The following ATIC variants were observed in gnomAD, a reference collection of about 807,000 sequenced individuals.
The protein encoded by ATIC is 5-aminoimidazole-4-carboxamide ribonucleotide formyltransferase/IMP cyclohydrolase.
In ATIC, 64 loss-of-function variants were observed where a neutral mutation model predicts 72.5. The ratio of observed to expected loss-of-function variants is 0.88; its 90% CI spans 0.72 to 1.09. The LOEUF (loss-of-function observed/expected upper bound fraction) is 1.09. Among genes scored for constraint, ATIC ranks in the 50% least tolerant of loss-of-function variants. The pLI is 0.00. For synonymous variants in ATIC, 281 were observed against 267.1 expected (o/e 1.05, Z -0.51); for missense variants, 787 against 732.4 (o/e 1.07, Z -0.86).
downstream of ATIC, among the ~76,000 whole-genome samples, chr2:215,351,817 C>G (rs1034993150): frequency 2.0e-5 from 3 of 152,198 alleles, no homozygotes; most frequent in African/African-American, 7.2e-5. Context: ...ATAGTAACTA[C>G]AGTGGAGAAA....
chr2:215,362,180 G>T, the ATIC span: 1 of 801,680 alleles, frequency 1.2e-6, no homozygotes, highest in South Asian at 1.4e-5. Context: ...CATATGCACT[G>T]GCAAAATATA....
At chr2:215,317,015 G>A (rs2052717191) in intron 2 of ATIC, among the ~76,000 whole-genome samples, 1 of 152,070 alleles carries the variant, frequency 6.6e-6, no homozygotes, top group Admixed American at 6.6e-5. Context: ...CATTCGCCTT[G>A]GCCTCCCAAA....
the ATIC span, among the ~76,000 whole-genome samples, chr2:215,357,617 ATCTTT>A: frequency 6.6e-6 from 1 of 152,188 alleles, no homozygotes; most frequent in Non-Finnish European, 1.5e-5. Flanking sequence ...CTTTTATTAC[ATCTTT>A]TCTTCATTTG....
At chr2:215,353,296 CT>C (rs2053144572), downstream of ATIC, among the ~76,000 whole-genome samples, 1 of 152,118 alleles carries the variant, frequency 6.6e-6, no homozygotes, top group African/African-American at 2.4e-5. Context: ...TATTTCCCCC[CT>C]AATAAGCTAA....
At chr2:215,347,486 A>G in intron 14 of ATIC, 1 of 428,508 alleles carries the variant, frequency 2.3e-6, no homozygotes, top group South Asian at 1.8e-5. Flanking sequence ...GTAGCCCGCC[A>G]GAAGAAAAGA....
chr2:215,322,895 A>C (rs986628848), intron 4 of ATIC, among the ~76,000 whole-genome samples: 9 of 152,148 alleles, frequency 5.9e-5, no homozygotes, highest in Admixed American at 3.3e-4. Flanking sequence ...GAAATCAGCA[A>C]GTGTGAGTCC....
chr2:215,347,207 A>T (rs1017658547), intron 14 of ATIC: 1 of 468,528 alleles, frequency 2.1e-6, no homozygotes, highest in Non-Finnish European at 3.9e-6. Flanking sequence ...GTATATTTGT[A>T]CTTCCCCTGT....
downstream of ATIC, among the ~76,000 whole-genome samples, chr2:215,350,430 G>C (rs911270397): frequency 2.0e-5 from 3 of 152,164 alleles, no homozygotes; most frequent in African/African-American, 7.2e-5. Context: ...ACCGTGCCCG[G>C]CCCTCATGCC....
the ATIC span, chr2:215,367,746 G>T: frequency 1.0e-6 from 1 of 1,004,902 alleles, no homozygotes; most frequent in Non-Finnish European, 1.5e-6. Context: ...GTATTCTCTT[G>T]TTTGCTTCAT....
the ATIC span, chr2:215,362,541 C>A: frequency 1.7e-5 from 3 of 178,922 alleles, no homozygotes; most frequent in African/African-American, 4.8e-5. Context: ...GGAAGTCACA[C>A]AGTGGACCAC....
chr2:215,348,454 G>T (rs1298419462), intron 14 of ATIC, among the ~76,000 whole-genome samples: 1 of 152,012 alleles, frequency 6.6e-6, no homozygotes, highest in African/African-American at 2.4e-5. Flanking sequence ...TTAAATTAGA[G>T]ATTTTAAAAC....
intron 11 of ATIC, among the ~76,000 whole-genome samples, chr2:215,338,278 T>C (rs2052978966): frequency 6.6e-6 from 1 of 152,190 alleles, no homozygotes. Context: ...AGATTACAAA[T>C]CCTGTTTTCT....
intron 7 of ATIC, among the ~76,000 whole-genome samples, chr2:215,329,292 C>T (rs147760506): frequency 8.7e-4 from 132 of 152,238 alleles, no homozygotes; most frequent in South Asian, 1.9e-3. Context: ...TTTCATTTTC[C>T]AAAGCATTTT....
At chr2:215,350,913 T>G (rs935297689), downstream of ATIC, among the ~76,000 whole-genome samples, 4 of 152,220 alleles carry the variant, frequency 2.6e-5, no homozygotes, top group Non-Finnish European at 4.4e-5. Context: ...AATAAAAATT[T>G]CTGAAGTTTT....
Position 215,336,109 on chromosome 2 carries a change from CTA to C in ATIC, c.1085_1086del (p.Tyr362LeufsTer13). 1 of 1,611,520 alleles carries C rather than the reference CTA, an allele frequency of 6.2e-7. No homozygotes were observed. The highest frequency in any genetic ancestry group is 8.5e-7 in the Non-Finnish European group (1 of 1,177,854). On this transcript the variant is annotated frameshift_variant, in exon 11 of 16. Coordinates refer to ENST00000236959, the MANE Select transcript of ATIC (RefSeq NM_004044.7). LOFTEE classifies it high-confidence loss of function. ...TACTTTCCAAAAAGAAAAATGGAAA[CTA>C]TTGTGTCCTTCAGGTGAGTGCAATT... is the stretch of plus-strand genomic sequence containing the variant. ...TILSKKKNGN[Y>X]CVLQMDQSYK... is the part of the protein sequence containing the mutation.
the ATIC span, chr2:215,362,150 G>T: frequency 1.7e-6 from 2 of 1,201,420 alleles, no homozygotes; most frequent in East Asian, 2.3e-5. Context: ...TAGTGTTTGA[G>T]TTAAAGAAAA....
chr2:215,367,243 A>G, the ATIC span, among the ~76,000 whole-genome samples: 2 of 152,362 alleles, frequency 1.3e-5, no homozygotes, highest in Non-Finnish European at 2.9e-5. Flanking sequence ...TCCTAGGCAC[A>G]TTTTAACTTA....
At chr2:215,365,615 T>C in the ATIC span, 66 of 1,613,876 alleles carry the variant, frequency 4.1e-5, no homozygotes, top group Non-Finnish European at 5.3e-5. Flanking sequence ...GTTCACACCA[T>C]TGTCATGGCA....
intron 11 of ATIC, 93 bp downstream of exon 11, chr2:215,336,217 C>A (rs905016712): frequency 3.1e-5 from 29 of 946,782 alleles, no homozygotes; most frequent in African/African-American, 6.5e-5. Context: ...TCATACCCTT[C>A]TAGTTTATCC....
Sources: allele counts gnomAD v4.1 joint callset (sites outside exome capture counted in the v4.1 genomes callset), GRCh38; gene constraint gnomAD v4.1.1; transcripts MANE v1.5; gene names NCBI Gene and HGNC (gene_info 2026-07-23, HGNC 2026-07-21).